The following DDAH1 variants were observed in gnomAD, a reference collection of about 807,000 sequenced individuals.
The protein encoded by DDAH1 is dimethylarginine dimethylaminohydrolase 1, also known as N(G),N(G)-dimethylarginine dimethylaminohydrolase 1.
A neutral mutation model predicts 28.8 loss-of-function variants in DDAH1; 19 were observed. The ratio of observed to expected loss-of-function variants is 0.66; its 90% confidence interval spans 0.46 to 0.97. DDAH1 has a LOEUF of 0.97. Ranked by LOEUF, DDAH1 falls within the 50% of genes least tolerant of loss-of-function variation. The probability of loss-of-function intolerance (pLI) is 0.00; values close to 1 mark genes in which losing one functional copy is unlikely to be tolerated. For synonymous variants in DDAH1, 153 were observed against 154.4 expected (o/e 0.99, Z 0.07); for missense variants, 326 against 375.9 (o/e 0.87, Z 1.10).
chr1:85,338,566 G>A (rs173026), intron 4 of DDAH1, among the ~76,000 whole-genome samples: 52,161 of 152,052 alleles, frequency 0.34, 9,085 homozygotes, highest in South Asian at 0.4. Context: ...AACTCCAGAC[G>A]CAGCCAGTGT....
chr1:85,542,123 C>T (rs1658488970), intron 1 of DDAH1, among the ~76,000 whole-genome samples: 1 of 152,168 alleles, frequency 6.6e-6, no homozygotes, highest in African/African-American at 2.4e-5. Flanking sequence ...CACCTAAGGT[C>T]ATATAGCTAA....
At chr1:85,466,832 C>T (rs74386804), upstream of DDAH1, among the ~76,000 whole-genome samples, 508 of 70,582 alleles carry the variant, frequency 7.2e-3, no homozygotes, top group East Asian at 0.026. Flanking sequence ...ATTATTTATT[C>T]TTTTTTTTTT....
At chr1:85,541,134 T>C (rs1658460249) in intron 1 of DDAH1, among the ~76,000 whole-genome samples, 2 of 152,270 alleles carry the variant, frequency 1.3e-5, no homozygotes, top group Admixed American at 6.5e-5. Context: ...CAGCCAAGAA[T>C]TGAGATGTCG....
intron 5 of DDAH1, among the ~76,000 whole-genome samples, chr1:85,322,809 C>A (rs774182122): frequency 6.6e-6 from 1 of 152,108 alleles, no homozygotes; most frequent in Non-Finnish European, 1.5e-5. Flanking sequence ...GAGAGACAAA[C>A]GGCTGAATCA....
At chr1:85,574,189 C>T (rs1290083990) in intron 1 of DDAH1, among the ~76,000 whole-genome samples, 1 of 152,220 alleles carries the variant, frequency 6.6e-6, no homozygotes, top group Non-Finnish European at 1.5e-5. Flanking sequence ...CCATGGTTCC[C>T]AAGGCCAAGG....
At chr1:85,451,344 T>A (rs1211140733) in intron 1 of DDAH1, among the ~76,000 whole-genome samples, 1 of 152,068 alleles carries the variant, frequency 6.6e-6, no homozygotes, top group African/African-American at 2.4e-5. Flanking sequence ...ACAAAAAGCA[T>A]ATAAAGGCAG....
chr1:85,500,435 G>T lies in DDAH1; in HGVS notation c.-122-4154C>A, dbSNP rs932608987. ...GCTTATTTGATAAATCAGCATTATT[G>T]TTCCCCTGGGTCTTGCGCAGAATGA... is the stretch of plus-strand genomic sequence containing the variant. On this transcript the variant is annotated intron_variant, in intron 1 of 6. Coordinates refer to the DDAH1 transcript ENST00000426972. Among the ~76,000 whole-genome samples the T allele has an allele frequency of 2.0e-5, 3 of 152,042 alleles. 1 individual carries two copies. The highest frequency in any genetic ancestry group is 1.3e-4 in the Admixed American group (2 of 15,274).
chr1:85,332,284 G>C (rs934438254), intron 4 of DDAH1, among the ~76,000 whole-genome samples: 4 of 152,186 alleles, frequency 2.6e-5, no homozygotes, highest in Admixed American at 6.5e-5. Context: ...ACACAGTAGA[G>C]TGGCAGGGTC....
chr1:85,476,277 T>C (rs1310023239), intron 2 of DDAH1, among the ~76,000 whole-genome samples: 2 of 152,240 alleles, frequency 1.3e-5, no homozygotes, highest in Non-Finnish European at 2.9e-5. Flanking sequence ...TTGTTTCAGT[T>C]ATTGTTGATG....
chr1:85,356,985 T>C (rs1050066242), intron 2 of DDAH1, among the ~76,000 whole-genome samples: 4 of 152,208 alleles, frequency 2.6e-5, no homozygotes, highest in African/African-American at 9.7e-5. Context: ...AAGTTATTCA[T>C]TGCATGGCTA....
chr1:85,345,474 T>C (rs1013615562), intron 4 of DDAH1, among the ~76,000 whole-genome samples: 1 of 152,204 alleles, frequency 6.6e-6, no homozygotes, highest in Non-Finnish European at 1.5e-5. Context: ...CTGTTAAATA[T>C]CTAGCATTTG....
At chr1:85,467,249 C>T (rs1655421974), upstream of DDAH1, 2 of 152,260 alleles carry the variant, frequency 1.3e-5, no homozygotes, top group African/African-American at 4.8e-5. Flanking sequence ...CTCCATCTGT[C>T]TCTAGCTGGC....
rs1328132434 is a variant in DDAH1 at position 85,350,594 on chromosome 1, A to T, written c.478-60T>A. 9.6e-6 allele frequency: 15 copies of T among 1,564,062 alleles called. 1 individual carries two copies. The highest frequency in any genetic ancestry group is 1.3e-5 in the Non-Finnish European group (15 of 1,155,828). On this transcript the variant is annotated intron_variant, in intron 3 of 5. Coordinates refer to ENST00000284031, the MANE Select transcript of DDAH1 (RefSeq NM_012137.4). ...TTGCAGAATAATTCTAAAACTGATT[A>T]AAAACCTCCCTGAAATACACCTACT...
chr1:85,577,115 C>A (rs971637837), intron 1 of DDAH1, among the ~76,000 whole-genome samples: 2 of 152,222 alleles, frequency 1.3e-5, no homozygotes, highest in African/African-American at 4.8e-5. Context: ...GGCGCGCGGG[C>A]GGGGTGGCCG....
intron 1 of DDAH1, 69 bp from the exon 2 acceptor site, chr1:85,358,916 T>C: frequency 1.7e-6 from 2 of 1,162,404 alleles, no homozygotes; most frequent in Non-Finnish European, 2.5e-6. Context: ...ATCCAAAACA[T>C]CTAAACACTA....
chr1:85,380,378 C>T (rs891645232), intron 1 of DDAH1: 1 of 152,150 alleles, frequency 6.6e-6, no homozygotes, highest in Non-Finnish European at 1.5e-5. Context: ...TCCTAGGTGA[C>T]ATTCACAATG....
At chr1:85,508,064 A>G (rs1489611865) in intron 1 of DDAH1, among the ~76,000 whole-genome samples, 1 of 152,214 alleles carries the variant, frequency 6.6e-6, no homozygotes, top group Non-Finnish European at 1.5e-5. Context: ...TAGTGATTCT[A>G]AGGTCAATCA....
chr1:85,468,890 C>G (rs1490955860), upstream of DDAH1, among the ~76,000 whole-genome samples: 1 of 152,164 alleles, frequency 6.6e-6, no homozygotes, highest in Non-Finnish European at 1.5e-5. Context: ...ACAGGAAAGA[C>G]TCGTTACCAT....
chr1:85,501,906 T>C (rs1042323023), intron 1 of DDAH1, among the ~76,000 whole-genome samples: 3 of 152,208 alleles, frequency 2.0e-5, no homozygotes, highest in African/African-American at 7.2e-5. Flanking sequence ...CCCTGGTTTT[T>C]AGAACTCTAA....
Sources: allele counts gnomAD v4.1 joint callset (sites outside exome capture counted in the v4.1 genomes callset), GRCh38; gene constraint gnomAD v4.1.1; transcripts MANE v1.5; gene names NCBI Gene and HGNC (gene_info 2026-07-23, HGNC 2026-07-21).